EEF1G: variants seen among roughly 807,000 people sequenced by gnomAD.
The protein encoded by EEF1G is elongation factor 1-gamma.
EEF1G carries 14 observed loss-of-function variants against 58.3 expected under a neutral mutation model. The ratio of observed to expected loss-of-function variants is 0.24; its 90% CI spans 0.16 to 0.38. The LOEUF is 0.38. EEF1G is among the 10% of genes least tolerant of loss of function. The pLI, the probability that EEF1G is intolerant of heterozygous loss-of-function variation, is 1.00. For missense variants in EEF1G, 322 were observed against 550.1 expected (o/e 0.59, Z 4.15); for synonymous variants, 180 against 206.8 (o/e 0.87, Z 1.11).
chr11:62,560,406 T>G lies in EEF1G; in HGVS notation c.906A>C (p.Thr302=), dbSNP rs762508857. 8.7e-6 allele frequency: 14 copies of G among 1,609,076 alleles called. No homozygotes were observed. The South Asian group carries it at 1.4e-4, about 17-fold the overall frequency. ...EFKRKYSNED[T]LSVALPYFWE... is the part of the protein sequence containing the mutation. ...AGAAATATGGCAGTGCCACAGAGAG[T>G]GTGTCCTCATTGGAGTACTTGCGCT... The change falls in exon 8 of 10, where the codon ACA becomes ACC. Residue 302 remains threonine, a synonymous_variant. Coordinates refer to ENST00000329251, the MANE Select transcript of EEF1G (RefSeq NM_001404.5).
At chr11:62,560,486 TAAG>T (rs770471831) in intron 7 of EEF1G, 32 bp from the exon 8 acceptor site, 1 of 1,599,896 alleles carries the variant, frequency 6.3e-7, no homozygotes, top group East Asian at 2.2e-5. Flanking sequence ...GGTCAATCAA[TAAG>T]GAGGAAGGTT....
rs575608451 is a variant in EEF1G at position 62,560,375 on chromosome 11, G to A, written c.937C>T (p.His313Tyr). ...AGGGACCAGCCGTCCTTATCAAAGT[G>A]CTCCCAGAAATATGGCAGTGCCACA... is the stretch of plus-strand genomic sequence containing the variant. ...LSVALPYFWEHFDKDGWSLWY... is the reference protein window; with the variant it reads ...LSVALPYFWEYFDKDGWSLWY... The change falls in exon 8 of 10, where the codon CAC becomes TAC. Residue 313 changes from histidine (H) to tyrosine (Y), a missense_variant. By Grantham distance (83) the His-to-Tyr change is moderately conservative. This residue lies in a region of EEF1G where 208 missense variants were observed against 323.7 expected (regional missense o/e 0.64). Transcript: ENST00000329251. The A allele has an allele frequency of 1.1e-5, 17 of 1,608,900 alleles. No individual in the cohort carries two copies. The Admixed American group carries it at 1.4e-4, about 13-fold the overall frequency.
chr11:62,566,727 G>T, intron 7 of EEF1G, 79 bp downstream of exon 7: 1 of 1,329,382 alleles, frequency 7.5e-7, no homozygotes, highest in Admixed American at 2.1e-5. Context: ...TCTGGCTCTA[G>T]CTGTGTGTGA....
In EEF1G at chr11:62,566,780, C is replaced by T. The variant is rs1372454164; in HGVS notation, c.857+26G>A. 2.5e-6 allele frequency: 4 copies of T among 1,611,330 alleles called. 1 individual carries two copies. In the South Asian group the frequency reaches 4.4e-5, roughly 18 times the overall value. On this transcript the variant is annotated intron_variant, in intron 7 of 9. Coordinates refer to ENST00000329251, the MANE Select transcript of EEF1G (RefSeq NM_001404.5). ...TGAGAACAGGCCTTCTTTGGTCCCA[C>T]ACCCTCCACCCTCCAATATCCTTAC...
intron 6 of EEF1G, 53 bp from the exon 7 acceptor site, chr11:62,567,063 C>A: frequency 6.4e-7 from 1 of 1,570,914 alleles, no homozygotes; most frequent in South Asian, 1.1e-5. Flanking sequence ...CTTTCCACAC[C>A]CCTCCAAAAC....
At chr11:62,561,671 C>A (rs9667203) in intron 7 of EEF1G, among the ~76,000 whole-genome samples, 32,996 of 81,414 alleles carry the variant, frequency 0.41, 4,461 homozygotes, top group Non-Finnish European at 0.47. Flanking sequence ...AAAAAAAAAA[C>A]AAAAAAAAAA....
chr11:62,562,477 T>A (rs1192151503), intron 7 of EEF1G, among the ~76,000 whole-genome samples: 1 of 152,052 alleles, frequency 6.6e-6, no homozygotes, highest in African/African-American at 2.4e-5. Context: ...AAGAGGATAA[T>A]CTTTTTTTTG....
In EEF1G at chr11:62,560,201, G is replaced by A. The variant is rs370508825; in HGVS notation, c.1031-8C>T. On this transcript the variant is annotated splice_polypyrimidine_tract_variant and splice_region_variant and intron_variant, in intron 8 of 9. Coordinates refer to ENST00000329251, the MANE Select transcript of EEF1G (RefSeq NM_001404.5). ...CCAGTCGCTGGAACATTCCTGAAGC[G>A]GCAAGGGAGAACATTCAGCCTTTGG... The A allele has an allele frequency of 3.8e-5, 62 of 1,613,838 alleles. No homozygotes were observed. Among genetic ancestry groups the A allele is most frequent in the South Asian group, 2.6e-4 (24 of 91,076 alleles).
intron 2 of EEF1G, 77 bp downstream of exon 2, chr11:62,572,507 G>A: frequency 6.4e-7 from 1 of 1,559,788 alleles, no homozygotes. Flanking sequence ...TTAGAGATGG[G>A]GGCCACCACC....
chr11:62,573,591 G>A, intron 1 of EEF1G: 1 of 601,228 alleles, frequency 1.7e-6, no homozygotes, highest in Non-Finnish European at 2.9e-6. Context: ...GGCTTCGGAC[G>A]GCCCAGACCC....
chr11:62,562,478 CTT>C (rs936221225), intron 7 of EEF1G, among the ~76,000 whole-genome samples: 13 of 151,904 alleles, frequency 8.6e-5, no homozygotes, highest in African/African-American at 2.9e-4. Flanking sequence ...AGAGGATAAT[CTT>C]TTTTTTGTTT....
chr11:62,571,308 C>CT (rs1236677724), intron 4 of EEF1G, among the ~76,000 whole-genome samples, 200 bp from the exon 5 acceptor site: 1 of 152,154 alleles, frequency 6.6e-6, no homozygotes, highest in Non-Finnish European at 1.5e-5. Flanking sequence ...CAGCCACCCC[C>CT]TTACCATTTG....
chr11:62,565,183 T>A (rs1466630800), intron 7 of EEF1G, among the ~76,000 whole-genome samples: 3 of 151,348 alleles, frequency 2.0e-5, no homozygotes, highest in African/African-American at 7.3e-5. Context: ...AGCCCAGGAG[T>A]TTGTGACCAG....
At chr11:62,564,445 CAG>C (rs1941532095) in intron 7 of EEF1G, among the ~76,000 whole-genome samples, 3 of 137,182 alleles carry the variant, frequency 2.2e-5, no homozygotes, top group African/African-American at 2.8e-5. Context: ...ACCTGGGCAA[CAG>C]AGTGAGACTC....
At position 62,571,121 on chromosome 11, in the gene EEF1G, C is replaced by T; in HGVS notation, c.379-13G>A. The T allele has an allele frequency of 1.2e-6, 2 of 1,613,904 alleles. No individual in the cohort carries two copies. The highest frequency in any genetic ancestry group is 1.7e-6 in the Non-Finnish European group (2 of 1,179,876). On this transcript the variant is annotated splice_polypyrimidine_tract_variant and intron_variant, in intron 4 of 9. Coordinates refer to ENST00000329251, the MANE Select transcript of EEF1G (RefSeq NM_001404.5). ...CATTCTCAGTGGCCTAGTGATTCAA[C>T]ATGATAAAACTCATCAGTGGGTACC... is the stretch of plus-strand genomic sequence containing the variant.
intron 7 of EEF1G, among the ~76,000 whole-genome samples, chr11:62,562,584 C>A (rs1298964606): frequency 1.3e-5 from 2 of 152,026 alleles, no homozygotes; most frequent in Admixed American, 1.3e-4. Flanking sequence ...CGGGTTCAAG[C>A]GATTCTCCTG....
rs1941626311 is a variant in EEF1G, at chr11:62,571,175, T to C, written c.379-67A>G. On this transcript the variant is annotated intron_variant, in intron 4 of 9. Coordinates refer to ENST00000329251, the MANE Select transcript of EEF1G (RefSeq NM_001404.5). Reference sequence around the variant, plus strand: ...CCCTTTCCCTCACCTCCCCCATTAATAGAACTAAGAGGGCTATTTTCACCT... The same window carrying C: ...CCCTTTCCCTCACCTCCCCCATTAACAGAACTAAGAGGGCTATTTTCACCT... 3.1e-6 allele frequency: 5 copies of C among 1,608,250 alleles called. No individual in the cohort carries two copies. The African/African-American group carries it at 4.0e-5, about 13-fold the overall frequency.
At chr11:62,571,224 C>G in intron 4 of EEF1G, 116 bp from the exon 5 acceptor site, 1 of 1,482,862 alleles carries the variant, frequency 6.7e-7, no homozygotes, top group Non-Finnish European at 9.3e-7. Context: ...CACCCTCACT[C>G]TCTTTCAATG....
intron 7 of EEF1G, among the ~76,000 whole-genome samples, chr11:62,564,214 G>A (rs1483372830): frequency 2.0e-5 from 3 of 152,196 alleles, no homozygotes; most frequent in East Asian, 3.8e-4. Context: ...TGTAATCCCA[G>A]CATTTTGGGA....
Sources: allele counts gnomAD v4.1 joint callset (sites outside exome capture counted in the v4.1 genomes callset), GRCh38; gene constraint gnomAD v4.1.1; regional missense constraint gnomAD v4.1.1; transcripts MANE v1.5; gene names NCBI Gene and HGNC (gene_info 2026-07-23, HGNC 2026-07-21).